EIF2S1: variants seen among roughly 807,000 people sequenced by gnomAD.
EIF2S1 encodes the protein eukaryotic translation initiation factor 2 subunit alpha.
EIF2S1 carries 5 observed loss-of-function variants against 33.5 expected under a neutral mutation model. The ratio of observed to expected loss-of-function variants is 0.15; its 90% confidence interval spans 0.08 to 0.31. The LOEUF (loss-of-function observed/expected upper bound fraction) is 0.31, where lower values mean the gene tolerates loss of function less well. EIF2S1 is among the 10% of genes least tolerant of loss of function. EIF2S1 has a pLI of 1.00. For missense variants in EIF2S1, 191 were observed against 384.6 expected, an observed-to-expected ratio of 0.50 and a Z score of 4.21; for synonymous variants, 99 against 127.5, an observed-to-expected ratio of 0.78 and a Z score of 1.51.
Position 67,378,218 on chromosome 14 carries a change from A to G in EIF2S1, c.473+1628A>G, listed in dbSNP as rs1032948278. ...CTAAATGTTAAGAGTTAGAGGGGGG[A>G]AAAAAGAGAATGAGTAGGACCCAAG... On this transcript the variant is annotated intron_variant, in intron 4 of 7. Transcript: ENST00000256383. Among the ~76,000 whole-genome samples the G allele has an allele frequency of 4.0e-5, 6 of 151,118 alleles. No homozygotes were observed. The East Asian group carries it at 7.8e-4, about 20-fold the overall frequency.
rs1332835155 is a variant in EIF2S1, at chr14:67,383,560, G to A, written c.*120G>A. 2.7e-5 allele frequency: 38 copies of A among 1,388,482 alleles called. No homozygotes were observed. Among genetic ancestry groups the A allele is most frequent in the Non-Finnish European group, 3.6e-5 (37 of 1,015,710 alleles). 86.0% of individuals were successfully genotyped at this position (1,388,482 alleles called of 1,614,324 possible). A position where few individuals can be genotyped will look rare whatever the true frequency, so the allele number is the denominator to read the frequency against. ...AAAGCTGAATATTTTTTATTTCTAA[G>A]TATTTAAATGTTCTAACAGATCAGA... On this transcript the variant is annotated 3_prime_UTR_variant, in exon 8 of 8. Coordinates refer to ENST00000256383, the MANE Select transcript of EIF2S1 (RefSeq NM_004094.5).
chr14:67,381,847 A>G (rs1245819428), intron 6 of EIF2S1, among the ~76,000 whole-genome samples, 157 bp downstream of exon 6: 1 of 151,256 alleles, frequency 6.6e-6, no homozygotes, highest in Non-Finnish European at 1.5e-5. Context: ...ATATTTCTAG[A>G]TGTTTGTGAT....
intron 2 of EIF2S1, among the ~76,000 whole-genome samples, chr14:67,370,440 T>G (rs146580461): frequency 6.6e-6 from 1 of 152,086 alleles, no homozygotes; most frequent in Non-Finnish European, 1.5e-5. Context: ...TTTGTTTTTT[T>G]AAAAAAGAGC....
At chr14:67,372,479 A>G (rs1278050040) in intron 2 of EIF2S1, among the ~76,000 whole-genome samples, 1 of 152,230 alleles carries the variant, frequency 6.6e-6, no homozygotes, top group Non-Finnish European at 1.5e-5. Context: ...TAAAGACACT[A>G]TAAAGAGAAT....
chr14:67,362,432 A>G (rs1303860296), intron 1 of EIF2S1, among the ~76,000 whole-genome samples: 1 of 152,200 alleles, frequency 6.6e-6, no homozygotes, highest in Non-Finnish European at 1.5e-5. Context: ...TTCTTTCAAT[A>G]TTTTATGTTT....
At chr14:67,379,626 C>G (rs2085875030) in intron 4 of EIF2S1, among the ~76,000 whole-genome samples, 1 of 150,926 alleles carries the variant, frequency 6.6e-6, no homozygotes, top group African/African-American at 2.4e-5. Flanking sequence ...TCCTTTTTTA[C>G]ATGACATAAC....
At chr14:67,366,845 T>C (rs1323800201) in intron 2 of EIF2S1, among the ~76,000 whole-genome samples, 1 of 152,210 alleles carries the variant, frequency 6.6e-6, no homozygotes, top group East Asian at 1.9e-4. Flanking sequence ...AGAAAGGGTA[T>C]GTTTTCTGTT....
At position 67,381,558 on chromosome 14, in the gene EIF2S1, A is replaced by AT. The variant is rs746769316; in HGVS notation, c.581-29dup. On this transcript the variant is annotated intron_variant, in intron 5 of 7. Transcript: ENST00000256383. Reference sequence around the variant, plus strand: ...CTTTAAACTTTTAAATATTTTTTGCATTTTTTATCAACTTTTGAATTTTTG... The same window carrying AT: ...CTTTAAACTTTTAAATATTTTTTGCATTTTTTTATCAACTTTTGAATTTTTG... 5 of 1,563,698 alleles carry AT rather than the reference A, an allele frequency of 3.2e-6. No individual in the cohort carries two copies. The African/African-American group carries it at 4.1e-5, about 13-fold the overall frequency.
intron 1 of EIF2S1, among the ~76,000 whole-genome samples, chr14:67,361,279 A>G (rs1471746089): frequency 3.3e-5 from 5 of 152,148 alleles, no homozygotes; most frequent in Non-Finnish European, 5.9e-5. Flanking sequence ...TTTCCCCTCA[A>G]TTGAGTTGTT....
chr14:67,363,937 G>A (rs757530510), intron 1 of EIF2S1: 40 of 152,166 alleles, frequency 2.6e-4, no homozygotes, highest in Non-Finnish European at 4.3e-4. Flanking sequence ...CTTCTACCCA[G>A]GCTATGATTT....
At position 67,386,000 on chromosome 14, in the gene EIF2S1, G is replaced by C. The variant is rs998693718; in HGVS notation, c.*2560G>C. 1.3e-5 allele frequency: 2 copies of C among 152,118 alleles called. No homozygotes were observed. Among genetic ancestry groups the C allele is most frequent in the African/African-American group, 4.8e-5 (2 of 41,410 alleles). 9.4% of individuals were successfully genotyped at this position (152,118 alleles called of 1,614,324 possible). On this transcript the variant is annotated 3_prime_UTR_variant, in exon 8 of 8. Coordinates refer to ENST00000256383, the MANE Select transcript of EIF2S1 (RefSeq NM_004094.5). ...AGTACCTTGCCGAGACTTGTTCACT[G>C]ATTTGCCCCAACCCCAAGGTAATGG... is the stretch of plus-strand genomic sequence containing the variant.
intron 3 of EIF2S1, 154 bp downstream of exon 3, chr14:67,374,701 A>G: frequency 2.2e-6 from 1 of 462,356 alleles, no homozygotes; most frequent in Non-Finnish European, 3.7e-6. Context: ...TTTTAGGTTA[A>G]ATTAACTGTG....
At chr14:67,371,514 A>G (rs2085821238) in intron 2 of EIF2S1, among the ~76,000 whole-genome samples, 1 of 152,156 alleles carries the variant, frequency 6.6e-6, no homozygotes, top group Non-Finnish European at 1.5e-5. Flanking sequence ...ATGTCTTATC[A>G]TGCAAATTTC....
intron 3 of EIF2S1, among the ~76,000 whole-genome samples, chr14:67,374,967 A>G (rs1412971908): frequency 6.6e-6 from 1 of 152,208 alleles, no homozygotes; most frequent in African/African-American, 2.4e-5. Flanking sequence ...ACCAGCTGTT[A>G]TATGTTAAGA....
chr14:67,385,151 G>A lies in EIF2S1; in HGVS notation c.*1711G>A, dbSNP rs1012426533. ...TAGATCAGTATTTCACTGATACCAC[G>A]AGGAAAAGAACAAACAAAACTTAAA... On this transcript the variant is annotated 3_prime_UTR_variant, in exon 8 of 8. Coordinates refer to ENST00000256383, the MANE Select transcript of EIF2S1 (RefSeq NM_004094.5). The A allele has an allele frequency of 7.9e-5, 12 of 152,180 alleles. No homozygotes were observed. Among genetic ancestry groups the A allele is most frequent in the African/African-American group, 2.4e-4 (10 of 41,530 alleles). The allele number at this position is 152,180 out of a possible 1,614,324, so 9.4% of individuals were successfully genotyped here. A position where few individuals can be genotyped will look rare whatever the true frequency, so the allele number is the denominator to read the frequency against.
chr14:67,368,645 T>G (rs953374452), intron 2 of EIF2S1, among the ~76,000 whole-genome samples: 3 of 149,838 alleles, frequency 2.0e-5, no homozygotes, highest in Non-Finnish European at 4.4e-5. Context: ...GGTAAATAGA[T>G]CTATATGATT....
intron 3 of EIF2S1, among the ~76,000 whole-genome samples, chr14:67,374,862 C>A (rs960637715): frequency 4.6e-5 from 7 of 152,128 alleles, no homozygotes; most frequent in African/African-American, 1.7e-4. Context: ...CCTCAGCCCT[C>A]CAAAGTGCTG....
At chr14:67,366,077 T>A (rs1338804587) in intron 2 of EIF2S1, among the ~76,000 whole-genome samples, 1 of 151,888 alleles carries the variant, frequency 6.6e-6, no homozygotes, top group African/African-American at 2.4e-5. Flanking sequence ...TGTCTAATCT[T>A]GTACTTTTTT....
intron 1 of EIF2S1, among the ~76,000 whole-genome samples, chr14:67,361,488 A>G (rs2085740410): frequency 6.6e-6 from 1 of 152,254 alleles, no homozygotes; most frequent in African/African-American, 2.4e-5. Flanking sequence ...ACCAAGAACT[A>G]GCATTCAGAG....
Sources: gnomAD v4.1 joint callset for allele counts (sites outside exome capture counted in the v4.1 genomes callset) on GRCh38, gnomAD v4.1.1 for gene constraint, MANE v1.5 for transcripts, NCBI Gene and HGNC (gene_info 2026-07-23, HGNC 2026-07-21) for gene names.